The following ANKRD44 variants were observed in gnomAD, a reference collection of about 807,000 sequenced individuals.
ANKRD44 encodes the protein serine/threonine-protein phosphatase 6 regulatory ankyrin repeat subunit B.
A neutral mutation model predicts 116.0 loss-of-function variants in ANKRD44; 35 were observed. The ratio of observed to expected loss-of-function variants is 0.30; its 90% CI spans 0.23 to 0.40. The LOEUF (loss-of-function observed/expected upper bound fraction) is 0.40, where lower values mean the gene tolerates loss of function less well. Among genes scored for constraint, ANKRD44 ranks in the 10% least tolerant of loss-of-function variants. ANKRD44 has a pLI of 1.00. For synonymous variants in ANKRD44, 435 were observed against 461.8 expected, an observed-to-expected ratio of 0.94 and a Z score of 0.74; for missense variants, 1,014 against 1,242.6, an observed-to-expected ratio of 0.82 and a Z score of 2.77.
chr2:197,217,028 CACTCTAAGAGG>C (rs2081463496), intron 1 of ANKRD44, among the ~76,000 whole-genome samples: 1 of 152,148 alleles, frequency 6.6e-6, no homozygotes, highest in South Asian at 2.1e-4. Context: ...AAATCACCAG[CACTCTAAGAGG>C]ACTCTGAAGA....
intron 1 of ANKRD44, among the ~76,000 whole-genome samples, chr2:197,281,919 G>A (rs542479281): frequency 6.6e-6 from 1 of 152,258 alleles, no homozygotes; most frequent in Admixed American, 6.5e-5. Flanking sequence ...TGTAAAATTA[G>A]TGTTCTGTCT....
intron 16 of ANKRD44, among the ~76,000 whole-genome samples, chr2:197,042,790 A>G (rs2124963805): frequency 6.6e-6 from 1 of 152,370 alleles, no homozygotes; most frequent in East Asian, 1.9e-4. Context: ...AAAGTGAATC[A>G]TGTTCAGCCA....
At chr2:197,030,646 C>A (rs1481533041) in intron 16 of ANKRD44, among the ~76,000 whole-genome samples, 1 of 152,072 alleles carries the variant, frequency 6.6e-6, no homozygotes, top group Admixed American at 6.6e-5. Flanking sequence ...TCAGTTCAGG[C>A]TTATTTCTGG....
intron 16 of ANKRD44, among the ~76,000 whole-genome samples, chr2:197,065,304 G>A (rs986635742): frequency 3.9e-5 from 6 of 152,188 alleles, no homozygotes; most frequent in African/African-American, 1.4e-4. Context: ...ATTTAAAGCA[G>A]TGTGTAGAGG....
chr2:197,126,916 T>C (rs2078989396), intron 4 of ANKRD44, among the ~76,000 whole-genome samples: 1 of 152,044 alleles, frequency 6.6e-6, no homozygotes, highest in African/African-American at 2.4e-5. Context: ...GCTCAGGAGT[T>C]TGACGTGATC....
intron 16 of ANKRD44, among the ~76,000 whole-genome samples, chr2:197,067,328 C>A (rs1190135992): frequency 6.6e-6 from 1 of 152,178 alleles, no homozygotes; most frequent in Non-Finnish European, 1.5e-5. Context: ...CACCTAAAAA[C>A]CCTAGAAGAA....
intron 8 of ANKRD44, among the ~76,000 whole-genome samples, chr2:197,116,417 G>C (rs576612010): frequency 6.6e-6 from 1 of 152,166 alleles, no homozygotes; most frequent in East Asian, 1.9e-4. Flanking sequence ...TTTTGGGAAC[G>C]CTGGCAGTTT....
At chr2:197,127,692 A>C (rs2079007505) in intron 4 of ANKRD44, among the ~76,000 whole-genome samples, 1 of 152,184 alleles carries the variant, frequency 6.6e-6, no homozygotes, top group South Asian at 2.1e-4. Context: ...TTTAAGTTCC[A>C]GGGTACATGT....
intron 16 of ANKRD44, among the ~76,000 whole-genome samples, chr2:197,041,824 T>C (rs547693228): frequency 7.1e-4 from 108 of 152,120 alleles, no homozygotes; most frequent in African/African-American, 2.3e-3. Flanking sequence ...CAGAAGAAAA[T>C]GAAATACACA....
At chr2:197,233,965 TA>T (rs2125773886) in intron 1 of ANKRD44, among the ~76,000 whole-genome samples, 1 of 152,380 alleles carries the variant, frequency 6.6e-6, no homozygotes, top group South Asian at 2.1e-4. Context: ...TGCCTATAGT[TA>T]ACAATACTGC....
intron 2 of ANKRD44, among the ~76,000 whole-genome samples, chr2:197,152,753 T>C (rs1412764704): frequency 1.3e-5 from 2 of 152,224 alleles, no homozygotes; most frequent in East Asian, 3.8e-4. Flanking sequence ...GTTTTGAAGA[T>C]TAAGAATTGT....
intron 1 of ANKRD44, among the ~76,000 whole-genome samples, chr2:197,303,707 C>T (rs561883103): frequency 1.5e-4 from 23 of 152,252 alleles, no homozygotes; most frequent in African/African-American, 5.3e-4. Flanking sequence ...GAAATGCAAA[C>T]AATTATCGAC....
intron 9 of ANKRD44, among the ~76,000 whole-genome samples, chr2:197,106,698 G>A (rs2078436733): frequency 1.3e-5 from 2 of 151,862 alleles, no homozygotes; most frequent in South Asian, 4.2e-4. Flanking sequence ...GCTGAGGCAG[G>A]AGAATGGAGT....
intron 1 of ANKRD44, chr2:197,199,191 C>T (rs1345366115): frequency 1.3e-5 from 2 of 151,338 alleles, no homozygotes; most frequent in Admixed American, 1.3e-4. Flanking sequence ...AAGAAGAAAG[C>T]TTATCTTCAT....
In ANKRD44 at chr2:197,005,358, A is replaced by G. The variant is rs560218891; in HGVS notation, c.2347+336T>C. On this transcript the variant is annotated intron_variant, in intron 21 of 27. Transcript: ENST00000282272. ...TATACATATATTTGGTATTAGTTTT[A>G]TTATTTTAATCCCTTGTGGGATCCT... Among the ~76,000 whole-genome samples the G allele has an allele frequency of 3.3e-5, 5 of 152,320 alleles. No individual in the cohort carries two copies. The South Asian group carries it at 1.0e-3, about 32-fold the overall frequency.
intron 16 of ANKRD44, chr2:197,028,755 CT>C (rs2076646346): frequency 5.3e-6 from 1 of 188,202 alleles, no homozygotes; most frequent in Non-Finnish European, 1.1e-5. Flanking sequence ...TTCTTTTCTG[CT>C]GGTTTCTTTT....
chr2:197,225,404 C>T (rs1333019904), intron 1 of ANKRD44, among the ~76,000 whole-genome samples: 4 of 152,068 alleles, frequency 2.6e-5, no homozygotes, highest in East Asian at 3.8e-4. Context: ...AGTGCAGTGG[C>T]GCAATCTCAG....
rs375337100 is a variant in ANKRD44, at chr2:197,083,437, G to T, written c.1389C>A (p.Asn463Lys). The change falls in exon 14 of 28, where the codon AAC (asparagine) becomes AAA (lysine). Residue 463 changes from asparagine to lysine, a missense_variant. By Grantham distance (94) the Asn-to-Lys change is moderately conservative. Coordinates refer to ENST00000282272, the MANE Select transcript of ANKRD44 (RefSeq NM_001195144.2). ...GTCCCCAGTCATCTGTTTCATTAACGTTGGCCCCTGTGGTCACTAATGTCT... is the reference window on the plus strand; with the variant it reads ...GTCCCCAGTCATCTGTTTCATTAACTTTGGCCCCTGTGGTCACTAATGTCT... The part of the protein sequence containing the change: ...CIETLVTTGA[N>K]VNETDDWGRT... 1.8e-5 allele frequency: 29 copies of T among 1,613,856 alleles called. No individual in the cohort carries two copies. Among genetic ancestry groups the T allele is most frequent in the Non-Finnish European group, 2.3e-5 (27 of 1,179,918 alleles).
At chr2:197,181,503 T>C (rs2080504605) in intron 2 of ANKRD44, among the ~76,000 whole-genome samples, 2 of 152,218 alleles carry the variant, frequency 1.3e-5, no homozygotes, top group South Asian at 4.1e-4. Flanking sequence ...CTTTAAACAT[T>C]ACCTCGTCCA....
Sources: gnomAD v4.1 joint callset for allele counts (sites outside exome capture counted in the v4.1 genomes callset) on GRCh38, gnomAD v4.1.1 for gene constraint, MANE v1.5 for transcripts, NCBI Gene and HGNC (gene_info 2026-07-23, HGNC 2026-07-21) for gene names.